Variants in MIB1 observed in about 807,000 individuals in gnomAD.
MIB1 encodes MIB E3 ubiquitin protein ligase 1, also known as E3 ubiquitin-protein ligase MIB1.
A neutral mutation model predicts 124.5 loss-of-function variants in MIB1; 278 were observed. The observed-to-expected ratio is 2.23, with a 90% confidence interval of 2.02 to 2.47. The LOEUF (loss-of-function observed/expected upper bound fraction) is 2.47, where lower values mean the gene tolerates loss of function less well. MIB1 is among the 30% of genes most tolerant of loss of function. MIB1 has a pLI of 0.00. For missense variants in MIB1, 957 were observed against 1,254.4 expected, an observed-to-expected ratio of 0.76 and a Z score of 3.58; for synonymous variants, 446 against 429.4, an observed-to-expected ratio of 1.04 and a Z score of -0.48.
At chr18:21,707,628 G>A (rs2040645628) in intron 1 of MIB1, among the ~76,000 whole-genome samples, 1 of 152,074 alleles carries the variant, frequency 6.6e-6, no homozygotes, top group African/African-American at 2.4e-5. Context: ...AAACACATCC[G>A]AAGATCAGAA....
intron 12 of MIB1, among the ~76,000 whole-genome samples, chr18:21,835,496 G>A (rs946918373): frequency 1.6e-4 from 25 of 152,014 alleles, no homozygotes; most frequent in African/African-American, 5.3e-4. Context: ...GCCCGGGTGC[G>A]GTGGCTCACG....
chr18:21,750,736 T>G (rs1457359575), intron 1 of MIB1, among the ~76,000 whole-genome samples: 2 of 152,184 alleles, frequency 1.3e-5, no homozygotes, highest in Non-Finnish European at 2.9e-5. Flanking sequence ...AGTCCTGCGA[T>G]TACAGGCGTG....
intron 10 of MIB1, among the ~76,000 whole-genome samples, chr18:21,805,899 C>A (rs1598620034): frequency 9.2e-6 from 1 of 109,130 alleles, no homozygotes; most frequent in Non-Finnish European, 1.8e-5. Flanking sequence ...TTCTTTCTTT[C>A]CTTTTTTTTT....
intron 4 of MIB1, among the ~76,000 whole-genome samples, chr18:21,776,051 G>C (rs2041281239): frequency 6.6e-6 from 1 of 152,136 alleles, no homozygotes; most frequent in African/African-American, 2.4e-5. Context: ...TAGATCACTT[G>C]AGTCCAGGAG....
At chr18:21,718,031 A>G (rs2040697600) in intron 1 of MIB1, among the ~76,000 whole-genome samples, 1 of 152,244 alleles carries the variant, frequency 6.6e-6, no homozygotes, top group Non-Finnish European at 1.5e-5. Flanking sequence ...AGAAACTGGT[A>G]TTTATATACA....
chr18:21,824,608 G>T (rs183773231), intron 12 of MIB1, among the ~76,000 whole-genome samples: 5 of 151,966 alleles, frequency 3.3e-5, no homozygotes, highest in Admixed American at 1.3e-4. Flanking sequence ...TGACTGAGGT[G>T]TAATTAATAG....
rs760102201 is a variant in MIB1 at position 21,741,775 on chromosome 18, G to T, written c.192G>T (p.Gly64=). The change falls in exon 1 of 21, where the codon GGG becomes GGT. Residue 64 remains glycine, a synonymous_variant. Transcript: ENST00000261537. This position sits in a 1 kb window ranked among gnomAD's most constrained non-coding sequence, Gnocchi z 5.4. ...NGTAANYRCS[G]AYDLRILDSA... is the part of the protein sequence containing the mutation. Reference sequence around the variant, plus strand: ...CAGCTGCCAACTACCGCTGCTCCGGGGCTTACGACCTCCGCATCCTGGACA... The same window carrying T: ...CAGCTGCCAACTACCGCTGCTCCGGTGCTTACGACCTCCGCATCCTGGACA... The T allele has an allele frequency of 3.7e-6, 6 of 1,608,968 alleles. No homozygotes were observed. The highest frequency in any genetic ancestry group is 5.1e-6 in the Non-Finnish European group (6 of 1,178,494).
chr18:21,730,580 C>G (rs2040764520), intron 1 of MIB1, among the ~76,000 whole-genome samples: 2 of 152,086 alleles, frequency 1.3e-5, no homozygotes, highest in East Asian at 3.9e-4. Flanking sequence ...AAAAACCAAC[C>G]ATACCGTGCT....
chr18:21,782,024 T>A (rs1321670137), intron 6 of MIB1, among the ~76,000 whole-genome samples: 1 of 152,190 alleles, frequency 6.6e-6, no homozygotes, highest in Non-Finnish European at 1.5e-5. Context: ...CTGATCTTTA[T>A]TACTTCTTCC....
At chr18:21,736,034 C>T (rs1220700908), upstream of MIB1, among the ~76,000 whole-genome samples, 1 of 152,254 alleles carries the variant, frequency 6.6e-6, no homozygotes, top group Admixed American at 6.5e-5. Context: ...TGATAAGGGA[C>T]AGACTGCTTC....
intron 1 of MIB1, among the ~76,000 whole-genome samples, chr18:21,743,070 C>T (rs907541859): frequency 1.3e-5 from 2 of 152,202 alleles, no homozygotes; most frequent in Admixed American, 1.3e-4. Flanking sequence ...GAGTCAGCCA[C>T]AAGGCCAGGC....
chr18:21,815,685 C>T lies in MIB1; in HGVS notation c.1549C>T (p.His517Tyr). The T allele has an allele frequency of 1.2e-6, 2 of 1,614,150 alleles. No individual in the cohort carries two copies. Among genetic ancestry groups the T allele is most frequent in the Non-Finnish European group, 1.7e-6 (2 of 1,179,998 alleles). The change falls in exon 11 of 21, where the codon CAT becomes TAT. Residue 517 changes from histidine to tyrosine, a missense_variant. By Grantham distance (83) the His-to-Tyr change is moderately conservative (BLOSUM62 2). Coordinates refer to ENST00000261537, the MANE Select transcript of MIB1 (RefSeq NM_020774.4). ...TGAAGGCGCTGTTATAGAAGTACTACATCGAGGTAGTGCTGATTTGAATGC... is the reference window on the plus strand; with the variant it reads ...TGAAGGCGCTGTTATAGAAGTACTATATCGAGGTAGTGCTGATTTGAATGC... The part of the protein sequence containing the change: ...GDEGAVIEVL[H>Y]RGSADLNARN...
At chr18:21,732,535 C>A (rs1224714681) in intron 1 of MIB1, among the ~76,000 whole-genome samples, 1 of 151,634 alleles carries the variant, frequency 6.6e-6, no homozygotes, top group Non-Finnish European at 1.5e-5. Context: ...TAGCTGGGAC[C>A]ACAGGCATGT....
intron 1 of MIB1, among the ~76,000 whole-genome samples, chr18:21,720,366 A>G (rs1259567898): frequency 6.6e-6 from 1 of 152,254 alleles, no homozygotes; most frequent in African/African-American, 2.4e-5. Flanking sequence ...ACACATGATC[A>G]TCCAGAAATT....
intron 13 of MIB1, among the ~76,000 whole-genome samples, chr18:21,840,651 ATATATATATATATATTTTTT>A (rs200815008): frequency 0.54 from 45,218 of 84,404 alleles, 8,961 homozygotes; most frequent in East Asian, 0.62. Context: ...ATATATATAT[ATATATATATATATATTTTTT>A]TTTTTTTTTA....
At chr18:21,831,194 C>T (rs960287294) in intron 12 of MIB1, 3 of 150,872 alleles carry the variant, frequency 2.0e-5, no homozygotes, top group Admixed American at 6.6e-5. Context: ...TCTTTGCCCT[C>T]CAGAATACAT....
chr18:21,775,578 G>T (rs2041275849), intron 4 of MIB1, among the ~76,000 whole-genome samples: 1 of 152,190 alleles, frequency 6.6e-6, no homozygotes, highest in Non-Finnish European at 1.5e-5. Flanking sequence ...CCAGCCATGT[G>T]AATTTAAACA....
chr18:21,820,302 T>C (rs891387103), intron 12 of MIB1, among the ~76,000 whole-genome samples: 8 of 152,240 alleles, frequency 5.3e-5, no homozygotes, highest in African/African-American at 1.9e-4. Flanking sequence ...AAATTCTGCA[T>C]TGGATGTCTT....
At chr18:21,759,515 A>G (rs547337581) in intron 1 of MIB1, among the ~76,000 whole-genome samples, 1 of 152,258 alleles carries the variant, frequency 6.6e-6, no homozygotes, top group Admixed American at 6.5e-5. Context: ...TGCTGGGATT[A>G]CACTTGTGAG....
Sources: gnomAD v4.1 joint callset for allele counts (sites outside exome capture counted in the v4.1 genomes callset) on GRCh38, gnomAD v4.1.1 for gene constraint, Gnocchi (gnomAD v3.1) non-coding constraint, MANE v1.5 for transcripts, NCBI Gene and HGNC (gene_info 2026-07-23, HGNC 2026-07-21) for gene names.